Variants in MTA3 observed in about 807,000 individuals in gnomAD.
MTA3 encodes metastasis associated 1 family member 3, also known as metastasis-associated protein MTA3.
Under a neutral mutation model 83.5 loss-of-function variants are expected in MTA3, and 34 were observed. The ratio of observed to expected loss-of-function variants is 0.41; its 90% confidence interval spans 0.31 to 0.54. MTA3 has a LOEUF of 0.54. Ranked by LOEUF, MTA3 falls within the 20% of genes least tolerant of loss-of-function variation. The probability of loss-of-function intolerance (pLI) is 0.33; values close to 1 mark genes in which losing one functional copy is unlikely to be tolerated. For synonymous variants in MTA3, 303 were observed against 252.7 expected, an observed-to-expected ratio of 1.20 and a Z score of -1.89; for missense variants, 761 against 726.4, an observed-to-expected ratio of 1.05 and a Z score of -0.55.
At chr2:42,499,989 C>T (rs777852796) in intron 2 of MTA3, among the ~76,000 whole-genome samples, 1 of 149,738 alleles carries the variant, frequency 6.7e-6, no homozygotes, top group African/African-American at 2.5e-5. Context: ...AGAGAGATGG[C>T]TGGGCATGGT....
intron 3 of MTA3, among the ~76,000 whole-genome samples, chr2:42,588,590 C>T (rs536285566): frequency 6.6e-6 from 1 of 152,218 alleles, no homozygotes; most frequent in South Asian, 2.1e-4. Context: ...TTTAACAAGT[C>T]ATTAGGGCCC....
chr2:42,660,236 G>A (rs1026614589), intron 8 of MTA3, among the ~76,000 whole-genome samples: 11 of 151,994 alleles, frequency 7.2e-5, no homozygotes, highest in Admixed American at 6.6e-5. Flanking sequence ...TTACAGGCAC[G>A]TGCCACCACA....
chr2:42,669,507 C>T (rs201128443), intron 8 of MTA3, among the ~76,000 whole-genome samples: 10 of 152,246 alleles, frequency 6.6e-5, no homozygotes, highest in South Asian at 4.1e-4. Context: ...AAACTTATCA[C>T]GGGTACTGTT....
chr2:42,580,916 A>G (rs1258964364), intron 3 of MTA3, among the ~76,000 whole-genome samples: 2 of 152,072 alleles, frequency 1.3e-5, no homozygotes, highest in Non-Finnish European at 2.9e-5. Flanking sequence ...TATAATCACT[A>G]TGGTCTTGAG....
At chr2:42,621,931 G>T (rs948845801) in intron 4 of MTA3, among the ~76,000 whole-genome samples, 2 of 150,824 alleles carry the variant, frequency 1.3e-5, no homozygotes, top group Admixed American at 1.3e-4. Context: ...CTGGGCAGCC[G>T]GGCAGAGGGG....
chr2:42,728,745 T>G (rs1023915859), intron 16 of MTA3, among the ~76,000 whole-genome samples: 1 of 152,228 alleles, frequency 6.6e-6, no homozygotes, highest in Non-Finnish European at 1.5e-5. Flanking sequence ...TGTTTGCCAT[T>G]TGTATGTCTT....
intron 8 of MTA3, among the ~76,000 whole-genome samples, chr2:42,663,797 T>G (rs1026350900): frequency 1.3e-5 from 2 of 152,218 alleles, no homozygotes; most frequent in Non-Finnish European, 2.9e-5. Flanking sequence ...TACTTGCCTC[T>G]TATGCTCCTT....
chr2:42,711,339 C>T (rs141775999), intron 14 of MTA3, among the ~76,000 whole-genome samples: 2 of 151,922 alleles, frequency 1.3e-5, no homozygotes, highest in Non-Finnish European at 2.9e-5. Context: ...TAATTTTTTT[C>T]TCAATTGACG....
Position 42,595,840 on chromosome 2 carries a change from A to C in MTA3, c.191-13618A>C, listed in dbSNP as rs150593683. ...TAACAATAATAGTAGGAGCTAACAC[A>C]TAATACCAGACACTCTAAATGCTTT... On this transcript the variant is annotated intron_variant, in intron 3 of 16. Transcript: ENST00000405094. Among the ~76,000 whole-genome samples, 285 of 152,338 alleles carry C rather than the reference A, an allele frequency of 1.9e-3. 2 individuals carry two copies. Among genetic ancestry groups the C allele is most frequent in the African/African-American group, 6.5e-3 (270 of 41,576 alleles).
intron 6 of MTA3, among the ~76,000 whole-genome samples, chr2:42,652,051 C>G (rs1688768964): frequency 6.6e-6 from 1 of 151,668 alleles, no homozygotes. Flanking sequence ...GAGCCAAGAT[C>G]ACGGCATTGC....
chr2:42,624,942 T>G (rs1011348868), intron 4 of MTA3, among the ~76,000 whole-genome samples: 1 of 152,232 alleles, frequency 6.6e-6, no homozygotes, highest in Non-Finnish European at 1.5e-5. Flanking sequence ...AGAATTTTCT[T>G]ATTTGTTGCA....
chr2:42,605,763 G>T (rs1181841744), intron 3 of MTA3, among the ~76,000 whole-genome samples: 4 of 119,092 alleles, frequency 3.4e-5, no homozygotes, highest in Admixed American at 8.0e-5. Flanking sequence ...GGGCAGAGGG[G>T]CTCCTCACTT....
At chr2:42,627,140 G>A (rs1023657056) in intron 4 of MTA3, among the ~76,000 whole-genome samples, 4 of 151,502 alleles carry the variant, frequency 2.6e-5, no homozygotes, top group African/African-American at 9.7e-5. Context: ...GCAGTGGCAC[G>A]ATTCGTGGCT....
chr2:42,561,403 A>G (rs1191151730), intron 2 of MTA3, among the ~76,000 whole-genome samples: 1 of 150,816 alleles, frequency 6.6e-6, no homozygotes, highest in East Asian at 2.0e-4. Context: ...GCTCACTGCA[A>G]CCTCCATCTC....
At chr2:42,511,185 T>G (rs1674878644) in intron 2 of MTA3, among the ~76,000 whole-genome samples, 2 of 152,184 alleles carry the variant, frequency 1.3e-5, no homozygotes, top group South Asian at 4.1e-4. Context: ...TCATTGTAGA[T>G]GCAACCAAAA....
intron 14 of MTA3, among the ~76,000 whole-genome samples, chr2:42,711,610 T>G (rs1666615601): frequency 6.6e-6 from 1 of 152,208 alleles, no homozygotes; most frequent in Non-Finnish European, 1.5e-5. Context: ...AATGAACTTT[T>G]CCTAACATCT....
chr2:42,496,286 G>C (rs992079438), intron 2 of MTA3, among the ~76,000 whole-genome samples: 1 of 152,150 alleles, frequency 6.6e-6, no homozygotes, highest in African/African-American at 2.4e-5. Flanking sequence ...TTTGTTTCAA[G>C]AGTAATATTT....
chr2:42,753,400 G>T lies in MTA3; in HGVS notation c.*1G>T, dbSNP rs1221226646. The T allele has an allele frequency of 4.5e-6, 7 of 1,550,600 alleles. No individual in the cohort carries two copies. Among genetic ancestry groups the T allele is most frequent in the Non-Finnish European group, 5.2e-6 (6 of 1,146,976 alleles). On this transcript the variant is annotated 3_prime_UTR_variant, in exon 17 of 17. Transcript: ENST00000405094. ...ACTCACGTGCTGTGTGTCAGACTGAGCTTTCCCTGATTCATTCTACAATCC... is the reference window on the plus strand; with the variant it reads ...ACTCACGTGCTGTGTGTCAGACTGATCTTTCCCTGATTCATTCTACAATCC...
At chr2:42,678,376 C>T (rs1360295148) in intron 8 of MTA3, among the ~76,000 whole-genome samples, 3 of 152,014 alleles carry the variant, frequency 2.0e-5, no homozygotes, top group South Asian at 4.1e-4. Context: ...CTCACTCTGC[C>T]GCCCAGGCTG....
Sources: gnomAD v4.1 joint callset for allele counts (sites outside exome capture counted in the v4.1 genomes callset) on GRCh38, gnomAD v4.1.1 for gene constraint, MANE v1.5 for transcripts, NCBI Gene and HGNC (gene_info 2026-07-23, HGNC 2026-07-21) for gene names.